EIF3A: variants seen among roughly 807,000 people sequenced by gnomAD.
EIF3A encodes eukaryotic translation initiation factor 3 subunit A.
In EIF3A, 21 loss-of-function variants were observed where a neutral mutation model predicts 186.6. That is an observed-to-expected ratio of 0.11 (90% CI 0.08 to 0.16). EIF3A has a LOEUF of 0.16. Among genes scored for constraint, EIF3A ranks in the 10% least tolerant of loss-of-function variants. The pLI is 1.00. For missense variants in EIF3A, 1,306 were observed against 1,796.3 expected (o/e 0.73, Z 4.93); for synonymous variants, 563 against 584.3 (o/e 0.96, Z 0.52).
At position 119,037,113 on chromosome 10, in the gene EIF3A, C is replaced by T; in HGVS notation, c.3919+6G>A. On this transcript the variant is annotated splice_donor_region_variant and intron_variant, in intron 21 of 21. Coordinates refer to ENST00000369144, the MANE Select transcript of EIF3A (RefSeq NM_003750.4). The stretch of plus-strand genomic sequence containing the variant: ...CCAATACTTCAGTTGTATGTAACCT[C>T]TATACCTTCTTCACGTTCTGATCTG... 1 of 1,334,382 alleles carries T rather than the reference C, an allele frequency of 7.5e-7. No individual in the cohort carries two copies. Among genetic ancestry groups the T allele is most frequent in the Non-Finnish European group, 1.0e-6 (1 of 994,132 alleles). The allele number at this position is 1,334,382 out of a possible 1,614,324, so 82.7% of individuals were successfully genotyped here.
At chr10:119,078,855 G>A (rs1157158302) in intron 1 of EIF3A, among the ~76,000 whole-genome samples, 1 of 151,962 alleles carries the variant, frequency 6.6e-6, no homozygotes, top group Non-Finnish European at 1.5e-5. Flanking sequence ...TCTTATGAAG[G>A]TTCCAAAAAG....
intron 5 of EIF3A, among the ~76,000 whole-genome samples, chr10:119,070,271 G>C (rs1257272904): frequency 1.3e-5 from 2 of 152,082 alleles, no homozygotes; most frequent in Non-Finnish European, 2.9e-5. Flanking sequence ...AGAGAAAAAG[G>C]GCCAGGGAGA....
intron 17 of EIF3A, among the ~76,000 whole-genome samples, chr10:119,045,933 C>G (rs139084463): frequency 6.6e-6 from 1 of 151,990 alleles, no homozygotes; most frequent in Non-Finnish European, 1.5e-5. Flanking sequence ...TCTCAGAGAA[C>G]CTGGTACAAA....
At chr10:119,044,564 A>G (rs1848256749) in intron 17 of EIF3A, among the ~76,000 whole-genome samples, 1 of 152,330 alleles carries the variant, frequency 6.6e-6, no homozygotes. Flanking sequence ...AAGTACTCTG[A>G]TGGGCCGGGC....
chr10:119,061,707 C>T (rs1843890354), intron 7 of EIF3A, among the ~76,000 whole-genome samples: 3 of 152,160 alleles, frequency 2.0e-5, no homozygotes, highest in African/African-American at 7.2e-5. Flanking sequence ...ATCATGGCAG[C>T]ACTATTTCTA....
intron 1 of EIF3A, among the ~76,000 whole-genome samples, chr10:119,074,462 T>C (rs1177321993): frequency 1.6e-5 from 1 of 64,516 alleles, no homozygotes; most frequent in East Asian, 4.3e-4. Flanking sequence ...CGAAATTCCG[T>C]GTCTCAAAAA....
Position 119,057,965 on chromosome 10 carries a change from A to G in EIF3A, c.1968T>C (p.Ile656=). The G allele has an allele frequency of 6.2e-7, 1 of 1,610,870 alleles. No homozygotes were observed. The highest frequency in any genetic ancestry group is 1.1e-5 in the South Asian group (1 of 90,458). Residue 656 remains isoleucine, a synonymous_variant, in exon 12 of 22, where the codon ATT becomes ATC. Transcript: ENST00000369144. ...TELGAKAFKD[I]DIEDLEELDP... is the part of the protein sequence containing the mutation. Reference sequence around the variant, plus strand: ...CTAAGATGCTACGTACTTCAATATCAATATCTTTGAATGCTTTGGCACCCA... The same window carrying G: ...CTAAGATGCTACGTACTTCAATATCGATATCTTTGAATGCTTTGGCACCCA...
chr10:119,059,904 C>A, intron 9 of EIF3A, 186 bp from the exon 10 acceptor site: 1 of 634,160 alleles, frequency 1.6e-6, no homozygotes, highest in East Asian at 2.7e-5. Flanking sequence ...GAACCATTAT[C>A]ATACTATTCC....
chr10:119,063,065 T>C (rs1843916464), intron 7 of EIF3A, among the ~76,000 whole-genome samples: 1 of 152,158 alleles, frequency 6.6e-6, no homozygotes, highest in East Asian at 1.9e-4. Context: ...AGATCACCTT[T>C]AACAAGGTGA....
chr10:119,068,727 G>A (rs1844021562), intron 6 of EIF3A, among the ~76,000 whole-genome samples: 1 of 151,934 alleles, frequency 6.6e-6, no homozygotes, highest in Non-Finnish European at 1.5e-5. Context: ...TGTAATCCCA[G>A]CACTTTGGGA....
chr10:119,059,140 T>G, intron 11 of EIF3A, 72 bp downstream of exon 11: 2 of 1,238,122 alleles, frequency 1.6e-6, no homozygotes, highest in Non-Finnish European at 2.3e-6. Context: ...CAAACCTTTT[T>G]GTAAAAGACA....
In EIF3A at chr10:119,042,541, A is replaced by G; in HGVS notation, c.2979T>C (p.Asp993=). Reference sequence around the variant, plus strand: ...CAATTCGTCTGGGAGGCCTGTCATCATCTGTGTTACGCCAGGAAGGCCGGT... The same window carrying G: ...CAATTCGTCTGGGAGGCCTGTCATCGTCTGTGTTACGCCAGGAAGGCCGGT... ...DDDRPSWRNT[D]DDRPPRRIAD... Residue 993 remains aspartate (D), a synonymous_variant, in exon 19 of 22, where the codon GAT becomes GAC. Transcript: ENST00000369144. The surrounding 1 kb of genome is among the most constrained non-coding windows in gnomAD (Gnocchi z 7.8). 6.2e-7 allele frequency: 1 copy of G among 1,613,892 alleles called. No homozygotes were observed. Among genetic ancestry groups the G allele is most frequent in the Non-Finnish European group, 8.5e-7 (1 of 1,179,974 alleles).
chr10:119,075,858 G>C (rs1370982682), intron 1 of EIF3A, among the ~76,000 whole-genome samples: 1 of 143,628 alleles, frequency 7.0e-6, no homozygotes, highest in African/African-American at 2.5e-5. Flanking sequence ...GGACTACGGA[G>C]CTCGCCACCA....
intron 17 of EIF3A, among the ~76,000 whole-genome samples, chr10:119,049,388 T>G (rs1281066240): frequency 6.7e-6 from 1 of 148,906 alleles, no homozygotes; most frequent in Non-Finnish European, 1.5e-5. Context: ...CTTGGAAGAC[T>G]GAAGCAAGAG....
chr10:119,069,918 C>T (rs992091673), intron 5 of EIF3A, among the ~76,000 whole-genome samples: 4 of 152,114 alleles, frequency 2.6e-5, no homozygotes, highest in East Asian at 3.9e-4. Context: ...ATTATCCCAT[C>T]ACTTCGGGCA....
intron 6 of EIF3A, 66 bp downstream of exon 6, chr10:119,069,380 A>G: frequency 1.2e-6 from 1 of 828,196 alleles, no homozygotes; most frequent in South Asian, 1.5e-5. Flanking sequence ...CCTAAAATAT[A>G]CCATGTCATA....
At chr10:119,074,941 AGGG>A (rs1564762072) in intron 1 of EIF3A, among the ~76,000 whole-genome samples, 6 of 109,056 alleles carry the variant, frequency 5.5e-5, no homozygotes, top group South Asian at 3.5e-4. Context: ...AAAAAAAAAA[AGGG>A]AAAAAAATGG....
At chr10:119,058,709 C>A (rs1291742757) in intron 11 of EIF3A, among the ~76,000 whole-genome samples, 1 of 152,170 alleles carries the variant, frequency 6.6e-6, no homozygotes. Flanking sequence ...ATGGTGAAAC[C>A]CCATCTCTAC....
At chr10:119,045,780 C>A (rs1361185667) in intron 17 of EIF3A, among the ~76,000 whole-genome samples, 1 of 152,128 alleles carries the variant, frequency 6.6e-6, no homozygotes, top group African/African-American at 2.4e-5. Flanking sequence ...CCAGACTGGT[C>A]TCAAGCTCCC....
Sources: allele counts gnomAD v4.1 joint callset (sites outside exome capture counted in the v4.1 genomes callset), GRCh38; gene constraint gnomAD v4.1.1; non-coding constraint Gnocchi (gnomAD v3.1); transcripts MANE v1.5; gene names NCBI Gene and HGNC (gene_info 2026-07-23, HGNC 2026-07-21).